Variants in MTSS1 observed in about 807,000 individuals in gnomAD.
The protein encoded by MTSS1 is MTSS I-BAR domain containing 1.
MTSS1 carries 18 observed loss-of-function variants against 79.0 expected under a neutral mutation model. The observed-to-expected ratio is 0.23, with a 90% CI of 0.16 to 0.34. MTSS1 has a LOEUF of 0.34. Among genes scored for constraint, MTSS1 ranks in the 10% least tolerant of loss-of-function variants. The pLI, the probability that MTSS1 is intolerant of heterozygous loss-of-function variation, is 1.00. For missense variants in MTSS1, 815 were observed against 986.2 expected, an observed-to-expected ratio of 0.83 and a Z score of 2.33; for synonymous variants, 341 against 368.6, an observed-to-expected ratio of 0.93 and a Z score of 0.86.
intron 3 of MTSS1, among the ~76,000 whole-genome samples, chr8:124,634,072 T>C (rs1279216331): frequency 4.0e-5 from 6 of 151,896 alleles, no homozygotes. Flanking sequence ...GTAGGAAGGA[T>C]AAAATATAGA....
chr8:124,557,282 C>A (rs561186779), intron 11 of MTSS1, among the ~76,000 whole-genome samples: 2 of 152,286 alleles, frequency 1.3e-5, no homozygotes, highest in East Asian at 3.9e-4. Flanking sequence ...AGGAAAGTCC[C>A]CCCTAAACCC....
At chr8:124,627,640 G>A (rs1038025072) in intron 3 of MTSS1, among the ~76,000 whole-genome samples, 20 of 152,236 alleles carry the variant, frequency 1.3e-4, no homozygotes, top group Admixed American at 7.9e-4. Context: ...TGGGATCATA[G>A]ACTAAGCAGC....
At chr8:124,610,138 T>C (rs1254806090) in intron 3 of MTSS1, among the ~76,000 whole-genome samples, 1 of 152,210 alleles carries the variant, frequency 6.6e-6, no homozygotes, top group African/African-American at 2.4e-5. Flanking sequence ...AAATTAAGTA[T>C]ATGAGCACCT....
At chr8:124,609,008 C>T (rs118061177) in intron 3 of MTSS1, among the ~76,000 whole-genome samples, 3,027 of 152,266 alleles carry the variant, frequency 0.02, 43 homozygotes, top group South Asian at 0.042. Flanking sequence ...TGACAAGTTC[C>T]CAGAAGATAC....
intron 3 of MTSS1, among the ~76,000 whole-genome samples, chr8:124,691,075 C>A (rs1827862252): frequency 6.6e-6 from 1 of 152,088 alleles, no homozygotes. Flanking sequence ...CATGCCCGGG[C>A]CATTTTTAAA....
In MTSS1 at chr8:124,627,933, G is replaced by A. The variant is rs140256749; in HGVS notation, c.209-36698C>T. Among the ~76,000 whole-genome samples, 936 of 152,316 alleles carry A rather than the reference G, an allele frequency of 6.1e-3. 8 individuals carry two copies. The highest frequency in any genetic ancestry group is 0.01 in the Middle Eastern group (3 of 294). ...TGTAATCCCAACACTTTGGGAGGCC[G>A]AGGTGGGCAGATTACTTGAGGTCAG... On this transcript the variant is annotated intron_variant, in intron 3 of 13. Coordinates refer to ENST00000518547, the MANE Select transcript of MTSS1 (RefSeq NM_014751.6).
chr8:124,557,781 C>T lies in MTSS1; in HGVS notation c.1130G>A (p.Arg377His), dbSNP rs541980233. 16 of 1,603,474 alleles carry T rather than the reference C, an allele frequency of 1.0e-5. No homozygotes were observed. Among genetic ancestry groups the T allele is most frequent in the South Asian group, 4.5e-5 (4 of 89,222 alleles). Residue 377 changes from arginine (R) to histidine (H), a missense_variant, in exon 11 of 14, where the codon CGC becomes CAC. Coordinates refer to ENST00000518547, the MANE Select transcript of MTSS1 (RefSeq NM_014751.6). ...GACAGAGGTGACCCGAGGGAGCAGGCGGGAGGCAGGCAGGCAATGAGGGAA... is the reference window on the plus strand; with the variant it reads ...GACAGAGGTGACCCGAGGGAGCAGGTGGGAGGCAGGCAGGCAATGAGGGAA... Reference protein sequence around the residue: ...GLFPHCLPASRLLPRVTSVHL... With the variant: ...GLFPHCLPASHLLPRVTSVHL...
chr8:124,591,121 T>G, intron 4 of MTSS1, 30 bp downstream of exon 4: 2 of 1,596,650 alleles, frequency 1.3e-6, no homozygotes, highest in African/African-American at 1.3e-5. Flanking sequence ...GCAAGGGTGT[T>G]GGCGATCGGG....
chr8:124,697,205 A>C (rs943992545), intron 3 of MTSS1, among the ~76,000 whole-genome samples: 2 of 152,094 alleles, frequency 1.3e-5, no homozygotes, highest in East Asian at 1.9e-4. Flanking sequence ...ACAGAGCCTC[A>C]AACATGCAAT....
At chr8:124,632,261 C>G (rs1167637690) in intron 3 of MTSS1, among the ~76,000 whole-genome samples, 2 of 128,782 alleles carry the variant, frequency 1.6e-5, no homozygotes, top group Non-Finnish European at 3.1e-5. Flanking sequence ...GCCTAGGAAG[C>G]AGAGTGAGAC....
At chr8:124,627,072 C>A (rs1340741428) in intron 3 of MTSS1, among the ~76,000 whole-genome samples, 2 of 152,046 alleles carry the variant, frequency 1.3e-5, no homozygotes, top group Non-Finnish European at 2.9e-5. Context: ...TGGCTCACAC[C>A]AAAGTTTGCA....
At chr8:124,556,125 G>T in intron 12 of MTSS1, 107 bp downstream of exon 12, 1 of 1,572,874 alleles carries the variant, frequency 6.4e-7, no homozygotes. Flanking sequence ...ATGGAGCCCA[G>T]GTCCCTCCAG....
At chr8:124,655,821 A>G (rs1020686230) in intron 3 of MTSS1, among the ~76,000 whole-genome samples, 4 of 152,196 alleles carry the variant, frequency 2.6e-5, no homozygotes, top group African/African-American at 9.6e-5. Context: ...GACAGAGATC[A>G]GAGGGAACCA....
intron 11 of MTSS1, 48 bp from the exon 12 acceptor site, chr8:124,556,453 G>A (rs1484741384): frequency 1.3e-6 from 2 of 1,553,764 alleles, no homozygotes; most frequent in Admixed American, 1.9e-5. Context: ...GCCTCCACTG[G>A]AGGGCTGCGG....
intron 3 of MTSS1, among the ~76,000 whole-genome samples, chr8:124,696,630 A>T (rs1421877320): frequency 6.6e-6 from 1 of 152,144 alleles, no homozygotes; most frequent in African/African-American, 2.4e-5. Flanking sequence ...AGGCAGGTAG[A>T]TCATGAGGTC....
intron 3 of MTSS1, among the ~76,000 whole-genome samples, chr8:124,624,829 A>C (rs1814335138): frequency 6.6e-6 from 1 of 152,186 alleles, no homozygotes; most frequent in Non-Finnish European, 1.5e-5. Flanking sequence ...CACAGGAATG[A>C]ATGAGGTCTG....
At chr8:124,676,899 A>G (rs900663586) in intron 3 of MTSS1, among the ~76,000 whole-genome samples, 1 of 152,188 alleles carries the variant, frequency 6.6e-6, no homozygotes. Flanking sequence ...GGCACTGTGC[A>G]TTGTGTCATG....
intron 1 of MTSS1, among the ~76,000 whole-genome samples, chr8:124,725,154 G>GT (rs1037840151): frequency 6.6e-6 from 1 of 152,192 alleles, no homozygotes; most frequent in Non-Finnish European, 1.5e-5. Context: ...ACATGGTGCT[G>GT]TTCCCCAGTG....
chr8:124,712,188 G>A lies in MTSS1; in HGVS notation c.73-7997C>T, dbSNP rs141532765. 4.6e-3 allele frequency among the ~76,000 whole-genome samples: 696 copies of A among 152,216 alleles called. 8 individuals are homozygous for A. Among genetic ancestry groups the A allele is most frequent in the African/African-American group, 0.016 (672 of 41,512 alleles). Reference sequence around the variant, plus strand: ...CTGGTCTTCTTCTACCAGGAGATCAGTAGAGTCAATCTGGGAGGGGCTTTT... The same window carrying A: ...CTGGTCTTCTTCTACCAGGAGATCAATAGAGTCAATCTGGGAGGGGCTTTT... On this transcript the variant is annotated intron_variant, in intron 1 of 13. Coordinates refer to ENST00000518547, the MANE Select transcript of MTSS1 (RefSeq NM_014751.6).
Sources: allele counts gnomAD v4.1 joint callset (sites outside exome capture counted in the v4.1 genomes callset), GRCh38; gene constraint gnomAD v4.1.1; transcripts MANE v1.5; gene names NCBI Gene and HGNC (gene_info 2026-07-23, HGNC 2026-07-21).